Variants in ATP8A2 observed in about 807,000 individuals in gnomAD.
The protein encoded by ATP8A2 is phospholipid-transporting ATPase IB.
A neutral mutation model predicts 165.6 loss-of-function variants in ATP8A2; 100 were observed. The ratio of observed to expected loss-of-function variants is 0.60; its 90% CI spans 0.51 to 0.71. ATP8A2 has a LOEUF of 0.71. Ranked by LOEUF, ATP8A2 falls within the 30% of genes least tolerant of loss-of-function variation. The pLI, the probability that ATP8A2 is intolerant of heterozygous loss-of-function variation, is 0.00. For synonymous variants in ATP8A2, 543 were observed against 548.8 expected (o/e 0.99, Z 0.15); for missense variants, 1,227 against 1,479.5 (o/e 0.83, Z 2.80).
chr13:25,754,911 C>T (rs1320157839), intron 25 of ATP8A2, among the ~76,000 whole-genome samples: 1 of 152,074 alleles, frequency 6.6e-6, no homozygotes, highest in Non-Finnish European at 1.5e-5. Context: ...ATGTCAATTT[C>T]TGTCAATTTT....
chr13:25,721,974 T>C (rs2043391685), intron 25 of ATP8A2, among the ~76,000 whole-genome samples: 1 of 152,150 alleles, frequency 6.6e-6, no homozygotes, highest in Non-Finnish European at 1.5e-5. Context: ...AGGAGTGAAA[T>C]CACTGGCTGA....
chr13:25,544,499 A>G (rs1455589537), intron 10 of ATP8A2, among the ~76,000 whole-genome samples: 1 of 152,194 alleles, frequency 6.6e-6, no homozygotes, highest in Non-Finnish European at 1.5e-5. Context: ...CATTGGAGAC[A>G]GGGAGGAGAG....
rs552711000 is a variant in ATP8A2, at chr13:25,747,627, G to C, written c.2385-21419G>C. On this transcript the variant is annotated intron_variant, in intron 25 of 36. Transcript: ENST00000381655. ...AAAGCTCTGCAAGGGGTTTAGCATC[G>C]CCTGGGGATACAATGCGTGGGGAGG... is the stretch of plus-strand genomic sequence containing the variant. Among the ~76,000 whole-genome samples, 14 of 152,110 alleles carry C rather than the reference G, an allele frequency of 9.2e-5. 2 individuals carry two copies. Among genetic ancestry groups the C allele is most frequent in the Admixed American group, 9.2e-4 (14 of 15,264 alleles).
intron 24 of ATP8A2, among the ~76,000 whole-genome samples, chr13:25,595,472 C>T (rs1347157248): frequency 6.6e-6 from 1 of 152,084 alleles, no homozygotes; most frequent in Admixed American, 6.6e-5. Flanking sequence ...AAGTGAGGTG[C>T]GACCTTGTGC....
In ATP8A2 at chr13:25,507,158, C is replaced by A. The variant is rs1363547390; in HGVS notation, c.222-22841C>A. Among the ~76,000 whole-genome samples, 9 of 149,654 alleles carry A rather than the reference C, an allele frequency of 6.0e-5. No homozygotes were observed. In the South Asian group the frequency reaches 1.3e-3, roughly 21 times the overall value. ...AATTGACATAGAACTAAATACATGC[C>A]AATATATTGAAGAGTGATATCTCAG... On this transcript the variant is annotated intron_variant, in intron 2 of 36. Coordinates refer to ENST00000381655, the MANE Select transcript of ATP8A2 (RefSeq NM_016529.6).
intron 1 of ATP8A2, among the ~76,000 whole-genome samples, chr13:25,427,984 C>A (rs2034499034): frequency 6.6e-6 from 1 of 151,878 alleles, no homozygotes; most frequent in African/African-American, 2.4e-5. Context: ...ATCACTTCAG[C>A]CTAGTCCTTG....
At chr13:25,662,160 A>G (rs1364753490) in intron 24 of ATP8A2, among the ~76,000 whole-genome samples, 1 of 152,184 alleles carries the variant, frequency 6.6e-6, no homozygotes, top group African/African-American at 2.4e-5. Context: ...TGTGAGGATA[A>G]AAGTGAGTTA....
intron 35 of ATP8A2, among the ~76,000 whole-genome samples, chr13:25,969,407 C>T (rs762225388): frequency 1.3e-5 from 2 of 152,156 alleles, no homozygotes; most frequent in African/African-American, 4.8e-5. Flanking sequence ...AAAGCCATTG[C>T]TCTATTAAGG....
Position 25,380,738 on chromosome 13 carries a change from G to T in ATP8A2, c.76+8450G>T, listed in dbSNP as rs73472422. On this transcript the variant is annotated intron_variant, in intron 1 of 36. Coordinates refer to ENST00000381655, the MANE Select transcript of ATP8A2 (RefSeq NM_016529.6). ...TGATTATTTATGGAATTGCAGACTT[G>T]CAGAAATAAAATTATCTGACGGTCA... Among the ~76,000 whole-genome samples, 321 of 152,208 alleles carry T rather than the reference G, an allele frequency of 2.1e-3. 1 individual carries two copies. The highest frequency in any genetic ancestry group is 7.4e-3 in the African/African-American group (306 of 41,536).
chr13:25,836,324 G>A (rs1008919680), intron 28 of ATP8A2, among the ~76,000 whole-genome samples: 9 of 152,114 alleles, frequency 5.9e-5, no homozygotes, highest in African/African-American at 1.7e-4. Context: ...CCAAACAGTG[G>A]CCTCCTATAA....
chr13:25,871,576 A>G (rs578026649), intron 33 of ATP8A2, among the ~76,000 whole-genome samples: 9 of 152,250 alleles, frequency 5.9e-5, no homozygotes, highest in Non-Finnish European at 1.3e-4. Context: ...GCATGTACCA[A>G]GAAGTTTCTG....
intron 24 of ATP8A2, among the ~76,000 whole-genome samples, chr13:25,634,834 C>T (rs2041330415): frequency 6.6e-6 from 1 of 152,100 alleles, no homozygotes; most frequent in Non-Finnish European, 1.5e-5. Context: ...AGGCCTCCCA[C>T]ATTAGGGAGT....
At chr13:25,758,983 A>T (rs1050465854) in intron 25 of ATP8A2, among the ~76,000 whole-genome samples, 1 of 152,046 alleles carries the variant, frequency 6.6e-6, no homozygotes, top group African/African-American at 2.4e-5. Flanking sequence ...TAAGAAAGAG[A>T]GAGAAAGAGA....
intron 25 of ATP8A2, among the ~76,000 whole-genome samples, chr13:25,730,786 A>G (rs998401710): frequency 7.2e-5 from 11 of 151,970 alleles, no homozygotes; most frequent in African/African-American, 2.7e-4. Context: ...TTTTTAAGGA[A>G]GGAATAGGCC....
chr13:25,938,784 G>A (rs1483569774), intron 33 of ATP8A2, among the ~76,000 whole-genome samples: 1 of 152,070 alleles, frequency 6.6e-6, no homozygotes, highest in Non-Finnish European at 1.5e-5. Flanking sequence ...TGGGTAGATG[G>A]AAGGATGTCT....
At chr13:25,780,785 T>C (rs1309238981) in intron 27 of ATP8A2, among the ~76,000 whole-genome samples, 4 of 151,858 alleles carry the variant, frequency 2.6e-5, no homozygotes, top group Non-Finnish European at 5.9e-5. Flanking sequence ...CATACTCCTG[T>C]GAGAATCTAA....
intron 33 of ATP8A2, among the ~76,000 whole-genome samples, chr13:25,874,987 T>C (rs1952787799): frequency 6.6e-6 from 1 of 152,052 alleles, no homozygotes; most frequent in Admixed American, 6.5e-5. Context: ...TTGAGGACAT[T>C]ATGCAAAGTG....
chr13:25,507,853 A>G (rs1339990526), intron 2 of ATP8A2, among the ~76,000 whole-genome samples: 1 of 152,194 alleles, frequency 6.6e-6, no homozygotes, highest in Non-Finnish European at 1.5e-5. Context: ...TAGTCTAGAA[A>G]ACTACTAAAT....
chr13:25,724,811 C>A (rs1374646746), intron 25 of ATP8A2, among the ~76,000 whole-genome samples: 2 of 152,108 alleles, frequency 1.3e-5, no homozygotes, highest in Non-Finnish European at 2.9e-5. Context: ...ACATCTTGGG[C>A]CCACAAAGGG....
Sources: gnomAD v4.1 joint callset for allele counts (sites outside exome capture counted in the v4.1 genomes callset) on GRCh38, gnomAD v4.1.1 for gene constraint, MANE v1.5 for transcripts, NCBI Gene and HGNC (gene_info 2026-07-23, HGNC 2026-07-21) for gene names.